Variants in DCLK1 observed in about 807,000 individuals in gnomAD.
The protein encoded by DCLK1 is doublecortin like kinase 1, also known as serine/threonine-protein kinase DCLK1.
Under a neutral mutation model 86.2 loss-of-function variants are expected in DCLK1, and 16 were observed. The observed-to-expected ratio is 0.19, with a 90% CI of 0.13 to 0.28. The LOEUF (loss-of-function observed/expected upper bound fraction) is 0.28, where lower values mean the gene tolerates loss of function less well. Among genes scored for constraint, DCLK1 ranks in the 10% least tolerant of loss-of-function variants. DCLK1 has a pLI of 1.00. For missense variants in DCLK1, 590 were observed against 940.2 expected, an observed-to-expected ratio of 0.63 and a Z score of 4.87; for synonymous variants, 369 against 370.5, an observed-to-expected ratio of 1.00 and a Z score of 0.05.
intron 5 of DCLK1, among the ~76,000 whole-genome samples, chr13:35,861,488 C>T (rs536812664): frequency 2.0e-5 from 3 of 152,080 alleles, no homozygotes; most frequent in Non-Finnish European, 4.4e-5. Flanking sequence ...AAAGGACCCA[C>T]GGTGACCACC....
At chr13:36,088,665 G>A (rs1253466294) in intron 3 of DCLK1, among the ~76,000 whole-genome samples, 1 of 152,210 alleles carries the variant, frequency 6.6e-6, no homozygotes, top group Non-Finnish European at 1.5e-5. Flanking sequence ...GCCAGCCAGT[G>A]GGTCTGCGAG....
chr13:35,821,653 G>C lies in DCLK1; in HGVS notation c.1554+1076C>G, dbSNP rs1463286796. On this transcript the variant is annotated intron_variant, in intron 11 of 16. Transcript: ENST00000360631. ...GGAAGAACTAGCATCTTTGGGAAAA[G>C]ATATATATATAAATATATGTATATA... Among the ~76,000 whole-genome samples the C allele has an allele frequency of 2.3e-5, 3 of 130,110 alleles. No individual in the cohort carries two copies. In the Admixed American group the frequency reaches 2.4e-4, roughly 10 times the overall value. 85.4% of individuals were successfully genotyped at this position (130,110 alleles called of 152,430 possible).
At chr13:35,969,698 C>A (rs1317044714) in intron 3 of DCLK1, among the ~76,000 whole-genome samples, 1 of 152,232 alleles carries the variant, frequency 6.6e-6, no homozygotes, top group African/African-American at 2.4e-5. Flanking sequence ...CCAACACACA[C>A]TGACTCAGTT....
intron 3 of DCLK1, among the ~76,000 whole-genome samples, chr13:35,994,257 G>A (rs1471106295): frequency 6.6e-6 from 1 of 152,212 alleles, no homozygotes; most frequent in Non-Finnish European, 1.5e-5. Flanking sequence ...GCAGAAGTCT[G>A]TTCACTGATG....
chr13:35,923,907 T>C (rs1046465978), intron 4 of DCLK1, among the ~76,000 whole-genome samples: 20 of 152,110 alleles, frequency 1.3e-4, no homozygotes, highest in Non-Finnish European at 2.8e-4. Context: ...GCAGAACAAA[T>C]GCACATGCTA....
chr13:35,984,917 A>G (rs914304594), intron 3 of DCLK1, among the ~76,000 whole-genome samples: 10 of 151,312 alleles, frequency 6.6e-5, no homozygotes, highest in African/African-American at 2.4e-4. Context: ...ACACACACAC[A>G]CACACACTTG....
chr13:36,002,927 C>T (rs1045966910), intron 3 of DCLK1, among the ~76,000 whole-genome samples: 6 of 152,172 alleles, frequency 3.9e-5, no homozygotes, highest in Admixed American at 6.5e-5. Context: ...GCTGGGGAGG[C>T]CTTGTCAGGG....
intron 16 of DCLK1, among the ~76,000 whole-genome samples, chr13:35,789,184 A>G (rs1227927842): frequency 2.0e-5 from 3 of 152,116 alleles, no homozygotes; most frequent in Non-Finnish European, 2.9e-5. Context: ...TGCGACTTGG[A>G]CACCTTTCTT....
chr13:35,867,613 G>A (rs890334001), intron 5 of DCLK1, among the ~76,000 whole-genome samples: 1 of 152,182 alleles, frequency 6.6e-6, no homozygotes, highest in African/African-American at 2.4e-5. Flanking sequence ...AATGTTGGCA[G>A]TGACATACAA....
chr13:36,042,397 A>AACC (rs1462311297), intron 3 of DCLK1, among the ~76,000 whole-genome samples: 1 of 152,174 alleles, frequency 6.6e-6, no homozygotes, highest in African/African-American at 2.4e-5. Context: ...CTAAATTTGA[A>AACC]ACCACCACCT....
chr13:36,000,106 A>T (rs1048890268), intron 3 of DCLK1, among the ~76,000 whole-genome samples: 2 of 152,100 alleles, frequency 1.3e-5, no homozygotes. Flanking sequence ...CTTCTATTAC[A>T]TGGCCAGCCT....
intron 6 of DCLK1, chr13:35,846,567 CT>C: frequency 3.0e-6 from 3 of 985,314 alleles, no homozygotes; most frequent in Non-Finnish European, 3.6e-6. Context: ...CTGATTTCCT[CT>C]TTTTTCCACA....
chr13:35,919,029 G>A (rs573647871), intron 4 of DCLK1, among the ~76,000 whole-genome samples: 4 of 151,500 alleles, frequency 2.6e-5, no homozygotes, highest in Admixed American at 6.6e-5. Context: ...AGCCTTCTGG[G>A]TAGCTGTGGT....
At position 35,982,433 on chromosome 13, in the gene DCLK1, G is replaced by GGA. The variant is rs1566631731; in HGVS notation, c.724-34977_724-34976insTC. Among the ~76,000 whole-genome samples, 106 of 21,700 alleles carry GGA rather than the reference G, an allele frequency of 4.9e-3. 5 individuals are homozygous for GGA. The highest frequency in any genetic ancestry group is 0.014 in the African/African-American group (97 of 6,762). 14.2% of individuals were successfully genotyped at this position (21,700 alleles called of 152,430 possible). A position where few individuals can be genotyped will look rare whatever the true frequency, so the allele number is the denominator to read the frequency against. On this transcript the variant is annotated intron_variant, in intron 3 of 16. Coordinates refer to ENST00000360631, the MANE Select transcript of DCLK1 (RefSeq NM_001330071.2). ...GGGAGAGAGAGAGAGAGAGAGAGAGGGGGAGGGAGGGAGGGAGGGAGGGAG... is the reference window on the plus strand; with the variant it reads ...GGGAGAGAGAGAGAGAGAGAGAGAGGGAGGGAGGGAGGGAGGGAGGGAGGGAG...
At chr13:35,867,231 T>C (rs1376836764) in intron 5 of DCLK1, among the ~76,000 whole-genome samples, 1 of 152,214 alleles carries the variant, frequency 6.6e-6, no homozygotes, top group Admixed American at 6.5e-5. Context: ...CAGAAAATGA[T>C]TGCATGTTAT....
chr13:36,025,215 G>A (rs1029717890), intron 3 of DCLK1, among the ~76,000 whole-genome samples: 3 of 152,024 alleles, frequency 2.0e-5, no homozygotes, highest in African/African-American at 7.2e-5. Context: ...TGATCCACCC[G>A]CTTCGGCCTC....
intron 6 of DCLK1, among the ~76,000 whole-genome samples, chr13:35,853,982 C>T (rs766819850): frequency 9.9e-5 from 15 of 152,108 alleles, no homozygotes; most frequent in Admixed American, 5.9e-4. Flanking sequence ...CAAGCTCAGC[C>T]AAATTCTCCA....
intron 16 of DCLK1, among the ~76,000 whole-genome samples, chr13:35,776,704 G>C (rs747412527): frequency 1.3e-5 from 2 of 152,198 alleles, no homozygotes; most frequent in Non-Finnish European, 2.9e-5. Flanking sequence ...GTAAGACACT[G>C]TTTTAAAATC....
chr13:35,805,826 A>G (rs1190743643), intron 14 of DCLK1, 47 bp from the exon 15 acceptor site: 3 of 1,558,166 alleles, frequency 1.9e-6, no homozygotes, highest in Non-Finnish European at 2.6e-6. Context: ...TTAAGGTGAA[A>G]AGCTGTATGT....
Sources: allele counts gnomAD v4.1 joint callset (sites outside exome capture counted in the v4.1 genomes callset), GRCh38; gene constraint gnomAD v4.1.1; transcripts MANE v1.5; gene names NCBI Gene and HGNC (gene_info 2026-07-23, HGNC 2026-07-21).